The following CEP44 variants were observed in gnomAD, a reference collection of about 807,000 sequenced individuals.
The protein encoded by CEP44 is centrosomal protein of 44 kDa.
Under a neutral mutation model 46.7 loss-of-function variants are expected in CEP44, and 45 were observed. The ratio of observed to expected loss-of-function variants is 0.96; its 90% CI spans 0.76 to 1.24. CEP44 has a LOEUF of 1.24. CEP44 is among the 50% of genes most tolerant of loss of function. CEP44 has a pLI of 0.00. For missense variants in CEP44, 475 were observed against 459.7 expected, an observed-to-expected ratio of 1.03 and a Z score of -0.30; for synonymous variants, 142 against 146.0, an observed-to-expected ratio of 0.97 and a Z score of 0.20.
At chr4:174,325,248 G>A (rs1188442466), downstream of CEP44, among the ~76,000 whole-genome samples, 3 of 152,056 alleles carry the variant, frequency 2.0e-5, no homozygotes, top group Non-Finnish European at 4.4e-5. The surrounding 1 kb of genome is among the most constrained non-coding windows in gnomAD (Gnocchi z 4.4). Context: ...GAACAGTTTT[G>A]CAAAGATTTT....
At chr4:174,320,433 AC>A, downstream of CEP44, 1 of 476,040 alleles carries the variant, frequency 2.1e-6, no homozygotes, top group Non-Finnish European at 2.4e-6. Context: ...AAACTACAAC[AC>A]TTTTTGAGCT....
chr4:174,309,755 A>C lies in CEP44; in HGVS notation c.679-95A>C. On this transcript the variant is annotated intron_variant, in intron 7 of 11. Transcript: ENST00000503780. The surrounding 1 kb of genome is among the most constrained non-coding windows in gnomAD (Gnocchi z 5.3). ...ACTCTCAAGCAGGACGGTCTCTCCT[A>C]ACTGTTGAGATAACGCTGTGGAAGT... is the stretch of plus-strand genomic sequence containing the variant. 2.3e-6 allele frequency: 2 copies of C among 852,514 alleles called. No individual in the cohort carries two copies. The highest frequency in any genetic ancestry group is 3.6e-6 in the Non-Finnish European group (2 of 548,358). The allele number at this position is 852,514 out of a possible 1,614,324, so 52.8% of individuals were successfully genotyped here.
At chr4:174,304,591 A>T (rs1740169116) in intron 6 of CEP44, among the ~76,000 whole-genome samples, 1 of 152,222 alleles carries the variant, frequency 6.6e-6, no homozygotes. Flanking sequence ...TATATTTCTA[A>T]TTTCTAATTC....
Position 174,329,252 on chromosome 4 carries a change from A to T in CEP44, c.1087-2230A>T, listed in dbSNP as rs145950276. 6.6e-6 allele frequency among the ~76,000 whole-genome samples: 1 copy of T among 152,084 alleles called. No individual in the cohort carries two copies. The highest frequency in any genetic ancestry group is 2.4e-5 in the African/African-American group (1 of 41,424). On this transcript the variant is annotated intron_variant, in intron 8 of 8. Transcript: ENST00000426172. The surrounding 1 kb of genome is among the most constrained non-coding windows in gnomAD (Gnocchi z 4.0). ...AGGTATGAGCCACCAAGCTGGCCCT[A>T]TACTTTTCCATTTTATTAGGAAGAT...
At chr4:174,320,738 A>G (rs544615808), downstream of CEP44, among the ~76,000 whole-genome samples, 1 of 116,802 alleles carries the variant, frequency 8.6e-6, no homozygotes, top group South Asian at 2.5e-4. Flanking sequence ...CAGTTGACAC[A>G]GGCCCAAGGG....
rs980239087 is a variant in CEP44 at position 174,309,357 on chromosome 4, C to G, written c.679-493C>G. Among the ~76,000 whole-genome samples the G allele has an allele frequency of 1.3e-5, 2 of 151,934 alleles. No individual in the cohort carries two copies. The highest frequency in any genetic ancestry group is 4.8e-5 in the African/African-American group (2 of 41,356). The stretch of plus-strand genomic sequence containing the variant: ...TGCTAAGACTTCTTTTTCTGTGTTT[C>G]TATGTCTTGTGATTTCTATATATCT... On this transcript the variant is annotated intron_variant, in intron 7 of 11. Coordinates refer to ENST00000503780, the MANE Select transcript of CEP44 (RefSeq NM_001040157.3). The surrounding 1 kb of genome is among the most constrained non-coding windows in gnomAD (Gnocchi z 5.3).
chr4:174,319,253 G>A lies in CEP44; in HGVS notation c.*1870G>A. ...TTAGCTTTAATTTTTTCAATTGTGA[G>A]AGAAGTACATTTATAAAAATTAAGA... On this transcript the variant is annotated 3_prime_UTR_variant, in exon 12 of 12. Transcript: ENST00000503780. 1.0e-6 allele frequency: 1 copy of A among 969,706 alleles called. No homozygotes were observed. Among genetic ancestry groups the A allele is most frequent in the Non-Finnish European group, 1.2e-6 (1 of 815,682 alleles). 60.1% of individuals were successfully genotyped at this position (969,706 alleles called of 1,614,324 possible). A position where few individuals can be genotyped will look rare whatever the true frequency, so the allele number is the denominator to read the frequency against.
chr4:174,294,870 C>G (rs1488003869), intron 1 of CEP44, among the ~76,000 whole-genome samples: 2 of 142,800 alleles, frequency 1.4e-5, no homozygotes, highest in Non-Finnish European at 3.1e-5. Flanking sequence ...CCCCCACCTC[C>G]CTCCCGGACG....
rs1738047628 is a variant in CEP44 at position 174,290,298 on chromosome 4, C to G, written c.-148+6355C>G. Among the ~76,000 whole-genome samples, 1 of 151,342 alleles carries G rather than the reference C, an allele frequency of 6.6e-6. No individual in the cohort carries two copies. Among genetic ancestry groups the G allele is most frequent in the African/African-American group, 2.4e-5 (1 of 41,212 alleles). On this transcript the variant is annotated intron_variant, in intron 1 of 11. Coordinates refer to ENST00000503780, the MANE Select transcript of CEP44 (RefSeq NM_001040157.3). The surrounding 1 kb of genome is among the most constrained non-coding windows in gnomAD (Gnocchi z 4.3). The stretch of plus-strand genomic sequence containing the variant: ...TTTCTGTTTTGATTTATTCTTTGAC[C>G]CAGTATTATTTAATAGTATGTTATT...
chr4:174,307,773 C>A (rs1740599296), intron 6 of CEP44, among the ~76,000 whole-genome samples: 1 of 149,954 alleles, frequency 6.7e-6, no homozygotes, highest in African/African-American at 2.5e-5. Flanking sequence ...AAGAAAAAAA[C>A]AACCTAATTA....
rs1740712664 is a variant in CEP44 at position 174,308,598 on chromosome 4, T to C, written c.508-91T>C. ...CACACATTTACTTGTGTAACAAACC[T>C]GCACATGGACCCCTGAACTTAAAAG... On this transcript the variant is annotated intron_variant, in intron 6 of 11. Transcript: ENST00000503780. 3 of 1,256,328 alleles carry C rather than the reference T, an allele frequency of 2.4e-6. No homozygotes were observed. The African/African-American group carries it at 4.5e-5, about 19-fold the overall frequency. 77.8% of individuals were successfully genotyped at this position (1,256,328 alleles called of 1,614,324 possible).
downstream of CEP44, among the ~76,000 whole-genome samples, chr4:174,320,704 A>ATGTGTGTGTG (rs796604982): frequency 8.0e-6 from 1 of 125,242 alleles, no homozygotes; most frequent in Non-Finnish European, 1.8e-5. Context: ...GTGTGTGTGT[A>ATGTGTGTGTG]TGTGTGTGTG....
At chr4:174,299,908 T>A (rs571851370) in intron 3 of CEP44, among the ~76,000 whole-genome samples, 1 of 152,210 alleles carries the variant, frequency 6.6e-6, no homozygotes, top group East Asian at 1.9e-4. Flanking sequence ...TCATGACACT[T>A]ACCCTTAACC....
At chr4:174,294,850 G>A (rs1300286408) in intron 1 of CEP44, among the ~76,000 whole-genome samples, 2 of 139,856 alleles carry the variant, frequency 1.4e-5, no homozygotes, top group Non-Finnish European at 3.2e-5. Context: ...GGCCGGGCGG[G>A]GGGCTGATCC....
chr4:174,295,101 G>A (rs1239248034), intron 1 of CEP44, among the ~76,000 whole-genome samples: 16 of 151,118 alleles, frequency 1.1e-4, no homozygotes, highest in African/African-American at 3.2e-4. Context: ...CCTCCCTCCC[G>A]GACGGGGCGG....
At chr4:174,307,969 G>C (rs562354508) in intron 6 of CEP44, among the ~76,000 whole-genome samples, 2 of 152,158 alleles carry the variant, frequency 1.3e-5, no homozygotes, top group African/African-American at 2.4e-5. Context: ...AGATGCTCGT[G>C]AGTTTGTGGA....
chr4:174,288,340 A>C lies in CEP44; in HGVS notation c.-148+4397A>C, dbSNP rs1737789155. 6.6e-6 allele frequency among the ~76,000 whole-genome samples: 1 copy of C among 152,130 alleles called. No homozygotes were observed. The highest frequency in any genetic ancestry group is 2.4e-5 in the African/African-American group (1 of 41,436). On this transcript the variant is annotated intron_variant, in intron 1 of 11. Coordinates refer to ENST00000503780, the MANE Select transcript of CEP44 (RefSeq NM_001040157.3). The surrounding 1 kb of genome is among the most constrained non-coding windows in gnomAD (Gnocchi z 4.6). ...CTTAGCAAAATTTTAAGAATACAAT[A>C]TTGCTAATCACAGACACTGGGTTGT...
At chr4:174,330,378 A>G (rs929696707) in intron 8 of CEP44, among the ~76,000 whole-genome samples, 7 of 152,000 alleles carry the variant, frequency 4.6e-5, no homozygotes, top group African/African-American at 1.7e-4. Flanking sequence ...AATCCCAGCT[A>G]CTAGTGGGGC....
At chr4:174,294,852 G>T (rs1456676271) in intron 1 of CEP44, among the ~76,000 whole-genome samples, 1 of 139,874 alleles carries the variant, frequency 7.1e-6, no homozygotes, top group African/African-American at 2.7e-5. Flanking sequence ...CCGGGCGGGG[G>T]GCTGATCCCC....
Sources: gnomAD v4.1 joint callset for allele counts (sites outside exome capture counted in the v4.1 genomes callset) on GRCh38, gnomAD v4.1.1 for gene constraint, Gnocchi (gnomAD v3.1) non-coding constraint, MANE v1.5 for transcripts, NCBI Gene and HGNC (gene_info 2026-07-23, HGNC 2026-07-21) for gene names.